Variants in GREB1 observed in about 807,000 individuals in gnomAD.
The protein encoded by GREB1 is growth regulating estrogen receptor binding 1.
In GREB1, 106 loss-of-function variants were observed where a neutral mutation model predicts 200.7. That is an observed-to-expected ratio of 0.53 (90% confidence interval 0.45 to 0.62). The LOEUF (loss-of-function observed/expected upper bound fraction) is 0.62, where lower values mean the gene tolerates loss of function less well. Ranked by LOEUF, GREB1 falls within the 20% of genes least tolerant of loss-of-function variation. The probability of loss-of-function intolerance (pLI) is 0.00; values close to 1 mark genes in which losing one functional copy is unlikely to be tolerated. For missense variants in GREB1, 2,243 were observed against 2,556.8 expected, an observed-to-expected ratio of 0.88 and a Z score of 2.65; for synonymous variants, 1,132 against 1,092.4, an observed-to-expected ratio of 1.04 and a Z score of -0.72.
chr2:11,514,533 C>T (rs1276534058), intron 1 of GREB1, among the ~76,000 whole-genome samples: 6 of 152,182 alleles, frequency 3.9e-5, no homozygotes, highest in African/African-American at 1.2e-4. Context: ...AAGTTTGACC[C>T]TCAGCAATGT....
intron 1 of GREB1, among the ~76,000 whole-genome samples, chr2:11,528,011 T>A (rs2148484824): frequency 6.6e-6 from 1 of 152,314 alleles, no homozygotes; most frequent in South Asian, 2.1e-4. Context: ...AACTGCAGAA[T>A]AAACACACAA....
At chr2:11,601,258 A>G (rs1330359267) in intron 16 of GREB1, among the ~76,000 whole-genome samples, 1 of 152,186 alleles carries the variant, frequency 6.6e-6, no homozygotes, top group Non-Finnish European at 1.5e-5. Flanking sequence ...CTTTCTGAGC[A>G]GCATGTGGAA....
In GREB1 at chr2:11,640,580, C is replaced by T. The variant is rs909345368; in HGVS notation, c.*126C>T. ...GACCCCAGGGACTGTCCAGGTGCAGCCCCTCCTAGTACACATGGGCCCCCG... is the reference window on the plus strand; with the variant it reads ...GACCCCAGGGACTGTCCAGGTGCAGTCCCTCCTAGTACACATGGGCCCCCG... On this transcript the variant is annotated 3_prime_UTR_variant, in exon 33 of 33. Coordinates refer to ENST00000381486, the MANE Select transcript of GREB1 (RefSeq NM_014668.4). The surrounding 1 kb of genome is among the most constrained non-coding windows in gnomAD (Gnocchi z 4.6). 1.7e-5 allele frequency: 19 copies of T among 1,100,874 alleles called. No homozygotes were observed. In the African/African-American group the frequency reaches 3.0e-4, roughly 17 times the overall value. 68.2% of individuals were successfully genotyped at this position (1,100,874 alleles called of 1,614,324 possible). A position where few individuals can be genotyped will look rare whatever the true frequency, so the allele number is the denominator to read the frequency against.
At chr2:11,483,169 G>A (rs959262778) in intron 1 of GREB1, among the ~76,000 whole-genome samples, 5 of 152,092 alleles carry the variant, frequency 3.3e-5, no homozygotes, top group African/African-American at 1.2e-4. Flanking sequence ...CCGCTGCCGT[G>A]CGCTTGTGCG....
intron 1 of GREB1, among the ~76,000 whole-genome samples, chr2:11,554,166 T>C (rs911371525): frequency 6.6e-6 from 1 of 152,184 alleles, no homozygotes; most frequent in African/African-American, 2.4e-5. Flanking sequence ...GTTAGGTTAC[T>C]CCGGCTGCTG....
chr2:11,596,144 A>G lies in GREB1; in HGVS notation c.1859A>G (p.His620Arg), dbSNP rs1681185494. ...ATTGACATTTTGCTGGACAAATTTC[A>G]CCAGGAAAATCAAGGCCATATTTCT... ...GDIDILLDKF[H>R]QENQGHISSS... is the part of the protein sequence containing the mutation. The change falls in exon 13 of 33, where the codon CAC (histidine) becomes CGC (arginine). Residue 620 changes from histidine (H) to arginine (R), a missense_variant. By Grantham distance (29) the His-to-Arg change is conservative. This residue lies in a region of GREB1 where 1,178 missense variants were observed against 1,387.4 expected (regional missense o/e 0.85). Coordinates refer to ENST00000381486, the MANE Select transcript of GREB1 (RefSeq NM_014668.4). 1.9e-6 allele frequency: 3 copies of G among 1,613,698 alleles called. No homozygotes were observed. Among genetic ancestry groups the G allele is most frequent in the Non-Finnish European group, 2.5e-6 (3 of 1,179,666 alleles).
At chr2:11,486,184 A>G (rs1672650649) in intron 1 of GREB1, among the ~76,000 whole-genome samples, 1 of 152,136 alleles carries the variant, frequency 6.6e-6, no homozygotes, top group Non-Finnish European at 1.5e-5. Context: ...GTCCAGGGTG[A>G]CCTGTAGTTC....
intron 4 of GREB1, among the ~76,000 whole-genome samples, chr2:11,574,259 C>T (rs1678607483): frequency 6.6e-6 from 1 of 152,224 alleles, no homozygotes; most frequent in African/African-American, 2.4e-5. Flanking sequence ...ACACAGCTCA[C>T]ACGTGCAGTC....
chr2:11,596,958 A>C (rs1174896001), intron 13 of GREB1, among the ~76,000 whole-genome samples: 4 of 150,466 alleles, frequency 2.7e-5, no homozygotes, highest in African/African-American at 9.8e-5. Context: ...GCACCGTGAG[A>C]GTGGGCAGGG....
At chr2:11,495,873 G>A (rs947784055) in intron 1 of GREB1, among the ~76,000 whole-genome samples, 5 of 150,322 alleles carry the variant, frequency 3.3e-5, no homozygotes, top group African/African-American at 9.8e-5. Flanking sequence ...AGGGCCCAGC[G>A]TCACTGAGCT....
chr2:11,501,918 T>TTTTTTTTTTTG (rs1673056272), intron 1 of GREB1, among the ~76,000 whole-genome samples: 1 of 112,618 alleles, frequency 8.9e-6, no homozygotes, highest in Non-Finnish European at 1.8e-5. Flanking sequence ...TTTTTTTTTT[T>TTTTTTTTTTTG]TTTTTTTTTT....
At chr2:11,566,431 G>A (rs370353796) in intron 3 of GREB1, 49 bp from the exon 4 acceptor site, 489 of 1,535,178 alleles carry the variant, frequency 3.2e-4, no homozygotes, top group Non-Finnish European at 4.1e-4. Context: ...CTGTGACCCC[G>A]CTTCTGGGAA....
At chr2:11,504,216 T>C (rs1043493130) in intron 1 of GREB1, among the ~76,000 whole-genome samples, 1 of 152,016 alleles carries the variant, frequency 6.6e-6, no homozygotes, top group African/African-American at 2.4e-5. Context: ...ACAAAGGAGA[T>C]TTACGTCCTG....
intron 5 of GREB1, 144 bp from the exon 6 acceptor site, chr2:11,578,153 A>G (rs1439572824): frequency 1.1e-6 from 1 of 905,416 alleles, no homozygotes; most frequent in Non-Finnish European, 1.7e-6. Flanking sequence ...CTTCACGCTG[A>G]AACAAAGACC....
intron 1 of GREB1, among the ~76,000 whole-genome samples, chr2:11,554,102 A>G (rs1676199923): frequency 6.6e-6 from 1 of 152,178 alleles, no homozygotes; most frequent in Non-Finnish European, 1.5e-5. Flanking sequence ...AAAGTCTGCC[A>G]CAGATCGAGA....
upstream of GREB1, among the ~76,000 whole-genome samples, chr2:11,530,041 T>TTTGTA (rs1404425556): frequency 2.0e-5 from 3 of 152,032 alleles, no homozygotes; most frequent in Admixed American, 2.0e-4. Flanking sequence ...CCTAGGTGAT[T>TTTGTA]TTTTATTTTA....
chr2:11,508,077 C>T (rs1673233181), intron 1 of GREB1, among the ~76,000 whole-genome samples: 1 of 152,162 alleles, frequency 6.6e-6, no homozygotes, highest in African/African-American at 2.4e-5. Context: ...GTCCATTTCG[C>T]CTATGGTAGA....
chr2:11,499,551 T>C (rs1672974824), intron 1 of GREB1, among the ~76,000 whole-genome samples: 1 of 152,396 alleles, frequency 6.6e-6, no homozygotes, highest in Middle Eastern at 3.4e-3. Context: ...TTGCATTAGC[T>C]ACTTACATCA....
At chr2:11,520,397 G>A (rs530958163) in intron 1 of GREB1, among the ~76,000 whole-genome samples, 3 of 152,282 alleles carry the variant, frequency 2.0e-5, no homozygotes, top group East Asian at 1.9e-4. Context: ...TCAGCAAGGC[G>A]GCATTCTTTT....
Sources: allele counts gnomAD v4.1 joint callset (sites outside exome capture counted in the v4.1 genomes callset), GRCh38; gene constraint gnomAD v4.1.1; regional missense constraint gnomAD v4.1.1; non-coding constraint Gnocchi (gnomAD v3.1); transcripts MANE v1.5; gene names NCBI Gene and HGNC (gene_info 2026-07-23, HGNC 2026-07-21).